Variants in LPP observed in about 807,000 individuals in gnomAD.
The protein encoded by LPP is lipoma-preferred partner.
LPP carries 38 observed loss-of-function variants against 60.4 expected under a neutral mutation model. The ratio of observed to expected loss-of-function variants is 0.63; its 90% confidence interval spans 0.49 to 0.83. The LOEUF (loss-of-function observed/expected upper bound fraction) is 0.83, where lower values mean the gene tolerates loss of function less well. Among genes scored for constraint, LPP ranks in the 40% least tolerant of loss-of-function variants. The pLI, the probability that LPP is intolerant of heterozygous loss-of-function variation, is 0.00. For synonymous variants in LPP, 328 were observed against 290.8 expected, an observed-to-expected ratio of 1.13 and a Z score of -1.30; for missense variants, 902 against 783.6, an observed-to-expected ratio of 1.15 and a Z score of -1.80.
At chr3:188,249,990 A>G (rs1313715340) in intron 2 of LPP, among the ~76,000 whole-genome samples, 1 of 151,968 alleles carries the variant, frequency 6.6e-6, no homozygotes, top group Non-Finnish European at 1.5e-5. Flanking sequence ...TAATAATAAA[A>G]AAAATAAAGA....
chr3:188,487,302 T>C (rs775921075), intron 5 of LPP, among the ~76,000 whole-genome samples: 3 of 152,184 alleles, frequency 2.0e-5, no homozygotes, highest in Non-Finnish European at 4.4e-5. Flanking sequence ...ATAATCACTA[T>C]TAATATGTAA....
intron 1 of LPP, among the ~76,000 whole-genome samples, chr3:188,188,601 A>G (rs1406644343): frequency 2.0e-5 from 3 of 152,104 alleles, no homozygotes; most frequent in African/African-American, 7.2e-5. Flanking sequence ...TTAAAACTCA[A>G]AGAGGAATTC....
rs756617933 is a variant in LPP at position 188,610,836 on chromosome 3, G to T, written c.1113+992G>T. Among the ~76,000 whole-genome samples the T allele has an allele frequency of 6.6e-5, 10 of 152,170 alleles. No homozygotes were observed. Among genetic ancestry groups the T allele is most frequent in the Non-Finnish European group, 1.5e-4 (10 of 68,042 alleles). ...GAACTGAGCCAGTTTCCAGCCACTT[G>T]GGTTGGAAGAGTGCCCTTGCTTCTT... On this transcript the variant is annotated intron_variant, in intron 7 of 11. Coordinates refer to ENST00000617246, the MANE Select transcript of LPP (RefSeq NM_001375462.1). This position sits in a 1 kb window ranked among gnomAD's most constrained non-coding sequence, Gnocchi z 4.4.
intron 5 of LPP, among the ~76,000 whole-genome samples, chr3:188,492,822 C>T (rs780673829): frequency 3.9e-5 from 6 of 152,200 alleles, no homozygotes; most frequent in African/African-American, 7.2e-5. Flanking sequence ...CCAATAAACA[C>T]GCCAAATGAT....
chr3:188,268,995 T>A (rs945645507), intron 2 of LPP, among the ~76,000 whole-genome samples: 1 of 152,348 alleles, frequency 6.6e-6, no homozygotes, highest in Non-Finnish European at 1.5e-5. Context: ...ACAGAATTGA[T>A]GGACCTCGAA....
intron 1 of LPP, among the ~76,000 whole-genome samples, chr3:188,171,947 G>A (rs901892480): frequency 4.9e-4 from 75 of 152,194 alleles, no homozygotes; most frequent in African/African-American, 1.8e-3. Context: ...CCGACTAGAG[G>A]GCATGATGTG....
intron 1 of LPP, among the ~76,000 whole-genome samples, chr3:188,206,477 A>G (rs1733253224): frequency 6.6e-6 from 1 of 152,246 alleles, no homozygotes; most frequent in Admixed American, 6.5e-5. Flanking sequence ...GACTAAGTAT[A>G]TATAACTCTT....
intron 2 of LPP, among the ~76,000 whole-genome samples, chr3:188,282,988 A>T (rs1260811588): frequency 6.6e-6 from 1 of 152,134 alleles, no homozygotes; most frequent in African/African-American, 2.4e-5. Flanking sequence ...AGGAGGCCTG[A>T]GGGGTTGGAA....
chr3:188,662,060 A>C (rs750913354), intron 7 of LPP, among the ~76,000 whole-genome samples: 2 of 152,274 alleles, frequency 1.3e-5, no homozygotes, highest in Non-Finnish European at 2.9e-5. Flanking sequence ...AAAAGAAGGG[A>C]GAAATGTTGA....
intron 2 of LPP, among the ~76,000 whole-genome samples, chr3:188,316,774 G>A (rs1755212657): frequency 6.6e-6 from 1 of 152,174 alleles, no homozygotes; most frequent in Non-Finnish European, 1.5e-5. Context: ...ATGCAAAGAA[G>A]GCAAATGATT....
chr3:188,440,552 T>A (rs558870760), intron 4 of LPP, among the ~76,000 whole-genome samples: 1 of 152,314 alleles, frequency 6.6e-6, no homozygotes, highest in African/African-American at 2.4e-5. Context: ...GCTTCGGTTA[T>A]TTACATCTGA....
At chr3:188,651,696 T>A (rs1438595912) in intron 7 of LPP, among the ~76,000 whole-genome samples, 2 of 152,120 alleles carry the variant, frequency 1.3e-5, no homozygotes, top group Non-Finnish European at 1.5e-5. Context: ...ACTCCCATTT[T>A]CAAAACCATG....
At chr3:188,270,650 T>C (rs1036354663) in intron 2 of LPP, among the ~76,000 whole-genome samples, 2 of 152,140 alleles carry the variant, frequency 1.3e-5, no homozygotes, top group Non-Finnish European at 2.9e-5. Flanking sequence ...ATGCAATGCA[T>C]TCCTCAGAAA....
chr3:188,536,036 T>C lies in LPP; in HGVS notation c.429+11249T>C, dbSNP rs540453691. Among the ~76,000 whole-genome samples the C allele has an allele frequency of 4.7e-5, 7 of 148,366 alleles. No homozygotes were observed. The South Asian group carries it at 1.3e-3, about 28-fold the overall frequency. ...TTTTTTTTTTTTTTTGATATGGAGTTTCAGTCTTGTTGCCCAGGCTGGAGT... is the reference window on the plus strand; with the variant it reads ...TTTTTTTTTTTTTTTGATATGGAGTCTCAGTCTTGTTGCCCAGGCTGGAGT... On this transcript the variant is annotated intron_variant, in intron 6 of 11. Coordinates refer to ENST00000617246, the MANE Select transcript of LPP (RefSeq NM_001375462.1).
At chr3:188,427,922 G>A (rs535764066) in intron 4 of LPP, among the ~76,000 whole-genome samples, 1 of 152,140 alleles carries the variant, frequency 6.6e-6, no homozygotes, top group South Asian at 2.1e-4. Flanking sequence ...GGAGTGAACG[G>A]TTCTGTCTCC....
intron 2 of LPP, among the ~76,000 whole-genome samples, chr3:188,228,697 G>T (rs1222338895): frequency 6.6e-6 from 1 of 152,150 alleles, no homozygotes; most frequent in Admixed American, 6.5e-5. Context: ...GCATAAAAAG[G>T]CAGTGAGTAT....
intron 6 of LPP, among the ~76,000 whole-genome samples, chr3:188,557,207 A>C (rs1221664187): frequency 1.3e-5 from 2 of 152,020 alleles, no homozygotes; most frequent in African/African-American, 4.8e-5. Flanking sequence ...ACGTGCCTTC[A>C]TGCGTTACAA....
intron 10 of LPP, among the ~76,000 whole-genome samples, chr3:188,867,370 A>C (rs1766929379): frequency 6.6e-6 from 1 of 150,964 alleles, no homozygotes; most frequent in Non-Finnish European, 1.5e-5. Context: ...TTTTAGACAA[A>C]GTCTCACTCT....
At chr3:188,602,187 T>A (rs970090401) in intron 6 of LPP, among the ~76,000 whole-genome samples, 8 of 130,318 alleles carry the variant, frequency 6.1e-5, no homozygotes, top group Non-Finnish European at 1.3e-4. Context: ...TATATATATA[T>A]ATGACATTCT....
Sources: allele counts gnomAD v4.1 joint callset (sites outside exome capture counted in the v4.1 genomes callset), GRCh38; gene constraint gnomAD v4.1.1; non-coding constraint Gnocchi (gnomAD v3.1); transcripts MANE v1.5; gene names NCBI Gene and HGNC (gene_info 2026-07-23, HGNC 2026-07-21).